NLRP11: variants seen among roughly 807,000 people sequenced by gnomAD.
The protein encoded by NLRP11 is NACHT, LRR and PYD domains-containing protein 11.
NLRP11 carries 53 observed loss-of-function variants against 79.3 expected under a neutral mutation model. The ratio of observed to expected loss-of-function variants is 0.67; its 90% CI spans 0.54 to 0.84. NLRP11 has a LOEUF of 0.84. Among genes scored for constraint, NLRP11 ranks in the 40% least tolerant of loss-of-function variants. The pLI is 0.00. For synonymous variants in NLRP11, 518 were observed against 462.6 expected, an observed-to-expected ratio of 1.12 and a Z score of -1.54; for missense variants, 1,264 against 1,255.0, an observed-to-expected ratio of 1.01 and a Z score of -0.11.
intron 1 of NLRP11, among the ~76,000 whole-genome samples, chr19:55,819,756 G>A (rs1347402245): frequency 2.6e-5 from 4 of 152,140 alleles, no homozygotes; most frequent in East Asian, 1.9e-4. Flanking sequence ...ATACTCAACC[G>A]TAACTAGGTT....
chr19:55,814,924 A>G (rs8101301), intron 2 of NLRP11, among the ~76,000 whole-genome samples: 15,529 of 152,254 alleles, frequency 0.1, 1,198 homozygotes, highest in African/African-American at 0.2. Context: ...GTGAGTGAGC[A>G]AGAGTCCCCA....
chr19:55,789,532 G>A, intron 7 of NLRP11, 133 bp from the exon 8 acceptor site: 1 of 758,822 alleles, frequency 1.3e-6, no homozygotes, highest in Non-Finnish European at 2.2e-6. Flanking sequence ...CAAGAGCAGT[G>A]TTAACATCTA....
intron 6 of NLRP11, among the ~76,000 whole-genome samples, chr19:55,795,212 C>G (rs1167300417): frequency 6.6e-6 from 1 of 152,138 alleles, no homozygotes; most frequent in Non-Finnish European, 1.5e-5. Flanking sequence ...TTTCCCAGAG[C>G]AGACAGAGCT....
intron 1 of NLRP11, among the ~76,000 whole-genome samples, chr19:55,822,884 G>C (rs1011355783): frequency 6.6e-6 from 1 of 152,258 alleles, no homozygotes; most frequent in Non-Finnish European, 1.5e-5. Context: ...AAAGCAGCCA[G>C]GAAGCTGGAA....
At chr19:55,786,330 C>T (rs1989876725) in intron 9 of NLRP11, among the ~76,000 whole-genome samples, 1 of 152,032 alleles carries the variant, frequency 6.6e-6, no homozygotes, top group African/African-American at 2.4e-5. Flanking sequence ...TTGAGACCAG[C>T]CTGGACAACA....
chr19:55,815,688 C>T (rs1233052455), intron 2 of NLRP11, among the ~76,000 whole-genome samples: 1 of 152,040 alleles, frequency 6.6e-6, no homozygotes, highest in Non-Finnish European at 1.5e-5. Context: ...CAGTAAAGTT[C>T]CCATTTGTGT....
intron 1 of NLRP11, among the ~76,000 whole-genome samples, chr19:55,819,485 T>C (rs1034033510): frequency 1.1e-4 from 16 of 152,162 alleles, no homozygotes; most frequent in Middle Eastern, 3.2e-3. Flanking sequence ...TGCCGAGTTG[T>C]GACTAAAGAA....
intron 1 of NLRP11, among the ~76,000 whole-genome samples, chr19:55,828,382 A>G (rs1024894404): frequency 7.3e-5 from 11 of 151,448 alleles, no homozygotes; most frequent in Admixed American, 6.6e-4. Flanking sequence ...TAACCTGCAC[A>G]ATGTGCACAT....
At chr19:55,835,616 C>T (rs1035029211), upstream of NLRP11, among the ~76,000 whole-genome samples, 1 of 148,774 alleles carries the variant, frequency 6.7e-6, no homozygotes. Flanking sequence ...CCGAGGCGGG[C>T]AGATCACTTG....
chr19:55,785,820 T>C (rs779002503), exon 10 of NLRP11: 1 of 1,614,154 alleles, frequency 6.2e-7, no homozygotes, highest in South Asian at 1.1e-5. Context: ...TTCTTTCCTT[T>C]ACAGTCATCA....
At chr19:55,785,469 T>G in exon 10 of NLRP11, 1 of 663,416 alleles carries the variant, frequency 1.5e-6, no homozygotes, top group South Asian at 2.0e-5. Context: ...GTGTAGGAAT[T>G]TGAAGTGGTT....
chr19:55,830,747 G>A (rs1982677999), intron 1 of NLRP11, among the ~76,000 whole-genome samples: 1 of 152,162 alleles, frequency 6.6e-6, no homozygotes, highest in Admixed American at 6.5e-5. Flanking sequence ...GGAATTTGCT[G>A]TTGACTGAAC....
upstream of NLRP11, among the ~76,000 whole-genome samples, chr19:55,833,536 C>T (rs1052351641): frequency 3.3e-5 from 5 of 151,732 alleles, no homozygotes; most frequent in Admixed American, 6.6e-5. Flanking sequence ...GAGGCTGAAG[C>T]GGGCAGATCA....
At chr19:55,832,514 T>C (rs552345407), upstream of NLRP11, among the ~76,000 whole-genome samples, 57 of 152,292 alleles carry the variant, frequency 3.7e-4, 1 homozygote, top group South Asian at 0.012. Flanking sequence ...CTTGGCTGCC[T>C]ATTGGAATCA....
At chr19:55,831,605 T>C (rs1442337583) in intron 1 of NLRP11, among the ~76,000 whole-genome samples, 2 of 152,068 alleles carry the variant, frequency 1.3e-5, no homozygotes, top group East Asian at 3.9e-4. Flanking sequence ...TCTCTAACAC[T>C]TTATACATCA....
chr19:55,830,595 T>G (rs1982652106), intron 1 of NLRP11, among the ~76,000 whole-genome samples: 1 of 93,828 alleles, frequency 1.1e-5, no homozygotes, highest in Non-Finnish European at 1.9e-5. Context: ...CTTCTTAGCT[T>G]CCTAAAAAAA....
chr19:55,831,039 A>T (rs1262337556), intron 1 of NLRP11, among the ~76,000 whole-genome samples: 1 of 151,642 alleles, frequency 6.6e-6, no homozygotes, highest in Non-Finnish European at 1.5e-5. Context: ...CTGTAAATTC[A>T]GCACTCAAAG....
intron 1 of NLRP11, among the ~76,000 whole-genome samples, chr19:55,829,688 GTACTT>G (rs889316445): frequency 4.9e-5 from 7 of 141,486 alleles, no homozygotes; most frequent in African/African-American, 1.6e-4. Flanking sequence ...AAAAAAAATC[GTACTT>G]TAAAGAACAC....
At chr19:55,789,879 G>C (rs1040325200) in intron 7 of NLRP11, among the ~76,000 whole-genome samples, 1 of 152,134 alleles carries the variant, frequency 6.6e-6, no homozygotes, top group East Asian at 1.9e-4. Context: ...ACGTACTCAC[G>C]ATTGTCCGTG....
Sources: allele counts gnomAD v4.1 joint callset (sites outside exome capture counted in the v4.1 genomes callset), GRCh38; gene constraint gnomAD v4.1.1; transcripts MANE v1.5; gene names NCBI Gene and HGNC (gene_info 2026-07-23, HGNC 2026-07-21).